The following PLD3 variants were observed in gnomAD, a reference collection of about 807,000 sequenced individuals.
PLD3 encodes the protein 5'-3' exonuclease PLD3.
Under a neutral mutation model 58.4 loss-of-function variants are expected in PLD3, and 31 were observed. The ratio of observed to expected loss-of-function variants is 0.53; its 90% CI spans 0.40 to 0.72. The LOEUF is 0.72. Among genes scored for constraint, PLD3 ranks in the 30% least tolerant of loss-of-function variants. The pLI is 0.00. For missense variants in PLD3, 595 were observed against 659.8 expected (o/e 0.90, Z 1.08); for synonymous variants, 264 against 273.4 (o/e 0.97, Z 0.34).
At chr19:40,350,699 G>C (rs545798325) in intron 1 of PLD3, among the ~76,000 whole-genome samples, 1 of 149,842 alleles carries the variant, frequency 6.7e-6, no homozygotes, top group Non-Finnish European at 1.5e-5. Context: ...AGTTGAGATC[G>C]CACCACTGCA....
chr19:40,378,252 C>A lies in PLD3; in HGVS notation c.*79C>A. 1 of 1,371,612 alleles carries A rather than the reference C, an allele frequency of 7.3e-7. No individual in the cohort carries two copies. Among genetic ancestry groups the A allele is most frequent in the Non-Finnish European group, 1.0e-6 (1 of 973,296 alleles). The allele number at this position is 1,371,612 out of a possible 1,614,324, so 85.0% of individuals were successfully genotyped here. On this transcript the variant is annotated 3_prime_UTR_variant, in exon 13 of 13. Transcript: ENST00000409735. ...CTCTGGGTCACGGTCCCTGTCCCCG[C>A]GCCCCCGCTTCTGTCTGCCCCATTG...
At chr19:40,376,856 T>C (rs982581945) in intron 11 of PLD3, 82 bp downstream of exon 11, 40 of 1,332,538 alleles carry the variant, frequency 3.0e-5, no homozygotes, top group Non-Finnish European at 4.0e-5. Context: ...CGTCTGTCAA[T>C]GACAAGGGCA....
At position 40,363,414 on chromosome 19, in the gene PLD3, ATTTGTTTG is replaced by A. The variant is rs56862567; in HGVS notation, c.-278-2279_-278-2272del. On this transcript the variant is annotated intron_variant, in intron 1 of 12. Transcript: ENST00000409735. ...TTAGTCTGTTGCTGTTTCTTGCTAG[ATTTGTTTG>A]TTTGTTTGTTTGTTTGTTTGTTTGA... Among the ~76,000 whole-genome samples, 907 of 150,948 alleles carry A rather than the reference ATTTGTTTG, an allele frequency of 6.0e-3. 10 individuals are homozygous for A. The highest frequency in any genetic ancestry group is 6.4e-3 in the Non-Finnish European group (431 of 67,750).
chr19:40,371,185 A>G (rs2079058636), intron 8 of PLD3, among the ~76,000 whole-genome samples: 1 of 152,230 alleles, frequency 6.6e-6, no homozygotes, highest in Admixed American at 6.5e-5. Context: ...TTTCCTCAAC[A>G]GATAGTTCCC....
chr19:40,369,967 C>G lies in PLD3; in HGVS notation c.489C>G (p.Ile163Met), dbSNP rs200529365. The change falls in exon 7 of 13, where the codon ATC becomes ATG. Residue 163 changes from isoleucine (I) to methionine (M), a missense_variant. Transcript: ENST00000409735. ...CACCAAAGGGCGTGAACGTCCGCAT[C>G]GCTGTGAGCAAGCCCAGCGGGCCCC... is the stretch of plus-strand genomic sequence containing the variant. ...TLAPKGVNVR[I>M]AVSKPSGPQP... 112 of 1,561,630 alleles carry G rather than the reference C, an allele frequency of 7.2e-5. No individual in the cohort carries two copies. The East Asian group carries it at 2.4e-3, about 34-fold the overall frequency.
At chr19:40,377,471 C>G (rs996499738) in intron 11 of PLD3, among the ~76,000 whole-genome samples, 1 of 150,180 alleles carries the variant, frequency 6.7e-6, no homozygotes, top group Non-Finnish European at 1.5e-5. Flanking sequence ...GGTGGGGATG[C>G]CCAGAGGAAG....
intron 8 of PLD3, among the ~76,000 whole-genome samples, chr19:40,371,183 A>G (rs747182762): frequency 1.3e-5 from 2 of 152,220 alleles, no homozygotes; most frequent in African/African-American, 4.8e-5. Flanking sequence ...CATTTCCTCA[A>G]CAGATAGTTC....
chr19:40,364,320 C>G (rs2078860745), intron 1 of PLD3, among the ~76,000 whole-genome samples: 1 of 151,786 alleles, frequency 6.6e-6, no homozygotes, highest in African/African-American at 2.4e-5. Flanking sequence ...TGCCACTGCA[C>G]TCCAGCCTGG....
intron 1 of PLD3, among the ~76,000 whole-genome samples, chr19:40,355,349 G>C (rs904973988): frequency 2.7e-5 from 4 of 145,856 alleles, no homozygotes; most frequent in African/African-American, 1.0e-4. Flanking sequence ...TTTCGCTCTT[G>C]TTGCCCAGGC....
chr19:40,366,561 G>T (rs746155480), intron 3 of PLD3, 49 bp from the exon 4 acceptor site: 1 of 1,591,842 alleles, frequency 6.3e-7, no homozygotes, highest in Middle Eastern at 1.7e-4. Flanking sequence ...AGTGGGGGTG[G>T]GGGTTCCCAA....
intron 1 of PLD3, among the ~76,000 whole-genome samples, chr19:40,361,721 C>G (rs1176055309): frequency 6.6e-6 from 1 of 152,058 alleles, no homozygotes; most frequent in Non-Finnish European, 1.5e-5. Flanking sequence ...TCAGTGAGGC[C>G]TTTTCTGACC....
At chr19:40,359,167 C>T (rs913893595) in intron 1 of PLD3, 1 of 152,460 alleles carries the variant, frequency 6.6e-6, no homozygotes, top group Non-Finnish European at 1.5e-5. Flanking sequence ...TCTCCTGCCT[C>T]AGCCTCCTGA....
At chr19:40,364,923 T>C (rs1252062742) in intron 1 of PLD3, among the ~76,000 whole-genome samples, 1 of 151,804 alleles carries the variant, frequency 6.6e-6, no homozygotes, top group Admixed American at 6.6e-5. Context: ...ATGATCATGC[T>C]GCTGCACTCC....
At chr19:40,367,978 A>ACACCCCTCTGTCTCCT in intron 6 of PLD3, 99 bp downstream of exon 6, 1 of 1,034,988 alleles carries the variant, frequency 9.7e-7, no homozygotes, top group Non-Finnish European at 1.4e-6. Context: ...CCCAGGAGAC[A>ACACCCCTCTGTCTCCT]GAGGGGTGTG....
chr19:40,371,838 T>G lies in PLD3; in HGVS notation c.844T>G (p.Cys282Gly). Reference protein sequence around the residue: ...RYNQETPMEICLNGTPALAYL... With the variant: ...RYNQETPMEIGLNGTPALAYL... ...CAACCAAGAGACACCAATGGAGATC[T>G]GCCTCAATGGAACCCCTGCTCTGGC... Residue 282 changes from cysteine (C) to glycine (G), a missense_variant, in exon 9 of 13, where the codon TGC (cysteine) becomes GGC (glycine). Coordinates refer to ENST00000409735, the MANE Select transcript of PLD3 (RefSeq NM_012268.4). 1 of 1,614,136 alleles carries G rather than the reference T, an allele frequency of 6.2e-7. No individual in the cohort carries two copies. The highest frequency in any genetic ancestry group is 8.5e-7 in the Non-Finnish European group (1 of 1,180,032).
intron 1 of PLD3, chr19:40,357,381 G>C (rs1208701560): frequency 1.3e-5 from 2 of 152,266 alleles, no homozygotes; most frequent in African/African-American, 4.8e-5. Flanking sequence ...GTGAGCTACT[G>C]CTCCTGGCCA....
rs1420159484 is a variant in PLD3 at position 40,378,181 on chromosome 19, T to C, written c.*8T>C. 6.2e-7 allele frequency: 1 copy of C among 1,604,072 alleles called. No homozygotes were observed. On this transcript the variant is annotated 3_prime_UTR_variant, in exon 13 of 13. Coordinates refer to ENST00000409735, the MANE Select transcript of PLD3 (RefSeq NM_012268.4). ...GCCTGCCGCCTGCTCTGAGGCCCGA[T>C]CCAGTGGGCAGGCCAAGGCCTGCTG...
At chr19:40,366,249 G>A (rs2078919224) in intron 2 of PLD3, 170 bp from the exon 3 acceptor site, 2 of 598,430 alleles carry the variant, frequency 3.3e-6, no homozygotes, top group Admixed American at 2.9e-5. Context: ...GGATTTTGAG[G>A]GATTTCGAAA....
chr19:40,376,730 C>T lies in PLD3; in HGVS notation c.1141C>T (p.Leu381=), dbSNP rs1301416266. The change falls in exon 11 of 13, where the codon CTG becomes TTG. Residue 381 remains leucine (L), a synonymous_variant. Coordinates refer to ENST00000409735, the MANE Select transcript of PLD3 (RefSeq NM_012268.4). ...EPSMRAFLLS[L]AALRDNHTHS... The stretch of plus-strand genomic sequence containing the variant: ...ATCCATGCGGGCCTTCCTGCTCTCT[C>T]TGGCTGCCCTGCGTGACAACCATAC... 8 of 1,601,742 alleles carry T rather than the reference C, an allele frequency of 5.0e-6. No homozygotes were observed. The highest frequency in any genetic ancestry group is 6.8e-6 in the Non-Finnish European group (8 of 1,179,948).
Sources: gnomAD v4.1 joint callset for allele counts (sites outside exome capture counted in the v4.1 genomes callset) on GRCh38, gnomAD v4.1.1 for gene constraint, MANE v1.5 for transcripts, NCBI Gene and HGNC (gene_info 2026-07-23, HGNC 2026-07-21) for gene names.